PLEKHM3: variants seen among roughly 807,000 people sequenced by gnomAD.
PLEKHM3 encodes the protein pleckstrin homology domain containing M3, also known as pleckstrin homology domain-containing family M member 3.
In PLEKHM3, 45 loss-of-function variants were observed where a neutral mutation model predicts 81.8. The ratio of observed to expected loss-of-function variants is 0.55; its 90% CI spans 0.43 to 0.71. The LOEUF (loss-of-function observed/expected upper bound fraction) is 0.71, where lower values mean the gene tolerates loss of function less well. PLEKHM3 is among the 30% of genes least tolerant of loss of function. PLEKHM3 has a pLI of 0.00. For synonymous variants in PLEKHM3, 352 were observed against 356.4 expected (o/e 0.99, Z 0.14); for missense variants, 788 against 924.3 (o/e 0.85, Z 1.91).
intron 2 of PLEKHM3, among the ~76,000 whole-genome samples, chr2:207,985,987 CA>C (rs35964669): frequency 0.62 from 75,149 of 120,624 alleles, 21,613 homozygotes; most frequent in Non-Finnish European, 0.69. Context: ...GACTCCGTCT[CA>C]AAAAAAAAAA....
rs974376416 is a variant in PLEKHM3, at chr2:207,843,909, T to C, written c.2109-15413A>G. Among the ~76,000 whole-genome samples, 23 of 152,118 alleles carry C rather than the reference T, an allele frequency of 1.5e-4. No individual in the cohort carries two copies. Among genetic ancestry groups the C allele is most frequent in the African/African-American group, 5.3e-4 (22 of 41,500 alleles). On this transcript the variant is annotated intron_variant, in intron 7 of 7. Transcript: ENST00000427836. This position sits in a 1 kb window ranked among gnomAD's most constrained non-coding sequence, Gnocchi z 4.4. Reference sequence around the variant, plus strand: ...GCTGGAGACCAGTCTGAGCAACATATTGAGATCTTGTCTCCACAGATAAAT... The same window carrying C: ...GCTGGAGACCAGTCTGAGCAACATACTGAGATCTTGTCTCCACAGATAAAT...
chr2:207,889,337 A>T (rs1199727247), intron 6 of PLEKHM3, among the ~76,000 whole-genome samples: 6 of 152,008 alleles, frequency 3.9e-5, no homozygotes, highest in Admixed American at 2.6e-4. Context: ...AGTGAGGAGG[A>T]GAGGACCACT....
intron 5 of PLEKHM3, among the ~76,000 whole-genome samples, chr2:207,923,398 G>A (rs954957178): frequency 2.6e-4 from 39 of 152,020 alleles, no homozygotes; most frequent in African/African-American, 8.2e-4. Flanking sequence ...ACCTGAGGTC[G>A]GGAGTTCAAG....
intron 6 of PLEKHM3, among the ~76,000 whole-genome samples, chr2:207,864,914 ATTTAG>A (rs1286121073): frequency 4.6e-5 from 7 of 152,114 alleles, no homozygotes; most frequent in Non-Finnish European, 1.0e-4. Context: ...CACATTTATT[ATTTAG>A]TTTAAGGTTA....
Position 207,925,140 on chromosome 2 carries a change from G to T in PLEKHM3, c.1886+5786C>A, listed in dbSNP as rs75752780. ...GTAGTATGAACAGGGTTGTTTTTTT[G>T]TTTTTTGTTTTTTTTTTTTAGTGAG... On this transcript the variant is annotated intron_variant, in intron 5 of 7. Transcript: ENST00000427836. Among the ~76,000 whole-genome samples, 794 of 118,226 alleles carry T rather than the reference G, an allele frequency of 6.7e-3. 15 individuals carry two copies. Among genetic ancestry groups the T allele is most frequent in the Middle Eastern group, 0.017 (4 of 234 alleles). 77.6% of individuals were successfully genotyped at this position (118,226 alleles called of 152,430 possible).
chr2:207,967,679 G>A (rs923668327), intron 3 of PLEKHM3, among the ~76,000 whole-genome samples: 4 of 152,150 alleles, frequency 2.6e-5, no homozygotes, highest in African/African-American at 7.2e-5. Flanking sequence ...GGCAAGAACC[G>A]CAAATTACTT....
intron 5 of PLEKHM3, among the ~76,000 whole-genome samples, chr2:207,914,321 C>T (rs961986687): frequency 2.0e-5 from 3 of 151,946 alleles, no homozygotes; most frequent in African/African-American, 7.2e-5. Flanking sequence ...CATGAAGAAA[C>T]CCCATCTCTA....
chr2:207,960,767 G>C (rs1191066666), intron 3 of PLEKHM3, among the ~76,000 whole-genome samples: 1 of 152,088 alleles, frequency 6.6e-6, no homozygotes, highest in Admixed American at 6.6e-5. Flanking sequence ...AGCATTATCA[G>C]GAAACTTTTA....
intron 2 of PLEKHM3, among the ~76,000 whole-genome samples, chr2:207,993,130 T>C (rs559131907): frequency 6.6e-6 from 1 of 152,246 alleles, no homozygotes; most frequent in Admixed American, 6.5e-5. Flanking sequence ...AAAAAATTAA[T>C]AGGACAACCA....
intron 3 of PLEKHM3, among the ~76,000 whole-genome samples, chr2:207,956,706 T>G (rs1229508910): frequency 7.1e-6 from 1 of 141,028 alleles, no homozygotes; most frequent in African/African-American, 2.7e-5. Context: ...CCACCACACC[T>G]GGCTGATTAA....
intron 2 of PLEKHM3, among the ~76,000 whole-genome samples, chr2:208,000,130 T>C (rs1187054758): frequency 1.3e-5 from 2 of 152,214 alleles, no homozygotes; most frequent in Admixed American, 1.3e-4. Flanking sequence ...CATATGTGTA[T>C]AAAGTATGAG....
intron 7 of PLEKHM3, among the ~76,000 whole-genome samples, chr2:207,856,792 A>T (rs961501293): frequency 8.5e-5 from 13 of 152,256 alleles, no homozygotes; most frequent in Non-Finnish European, 1.0e-4. Flanking sequence ...TTTTGTGTGG[A>T]TATGTTATCA....
chr2:208,011,708 A>G (rs1052826009), intron 1 of PLEKHM3, among the ~76,000 whole-genome samples: 3 of 152,002 alleles, frequency 2.0e-5, no homozygotes, highest in African/African-American at 4.8e-5. Context: ...AGTCACCACT[A>G]AAGAACTTAG....
At chr2:208,015,415 C>T (rs1389369962) in intron 1 of PLEKHM3, among the ~76,000 whole-genome samples, 3 of 152,056 alleles carry the variant, frequency 2.0e-5, no homozygotes, top group Non-Finnish European at 4.4e-5. Flanking sequence ...TCCCATGACC[C>T]AGAGAGTTAA....
chr2:207,905,525 T>C (rs1275334234), intron 6 of PLEKHM3, among the ~76,000 whole-genome samples: 2 of 152,214 alleles, frequency 1.3e-5, no homozygotes, highest in African/African-American at 4.8e-5. Context: ...AATTCAGATC[T>C]AGAAAACATG....
intron 5 of PLEKHM3, among the ~76,000 whole-genome samples, chr2:207,910,087 A>G (rs1335108520): frequency 6.6e-6 from 1 of 152,236 alleles, no homozygotes; most frequent in African/African-American, 2.4e-5. Context: ...TTTCACCCAC[A>G]GGAATGAGAT....
At chr2:207,945,063 A>G (rs1257414560) in intron 4 of PLEKHM3, among the ~76,000 whole-genome samples, 2 of 152,156 alleles carry the variant, frequency 1.3e-5, no homozygotes, top group Non-Finnish European at 2.9e-5. Flanking sequence ...ACTCCATTCA[A>G]ACTGCTTTCA....
chr2:207,958,174 A>C (rs1042967737), intron 3 of PLEKHM3, among the ~76,000 whole-genome samples: 9 of 152,222 alleles, frequency 5.9e-5, no homozygotes, highest in Non-Finnish European at 8.8e-5. Context: ...CCCTTTCACC[A>C]GTTCTACTTT....
At chr2:207,943,634 C>T (rs1019773821) in intron 4 of PLEKHM3, among the ~76,000 whole-genome samples, 7 of 151,970 alleles carry the variant, frequency 4.6e-5, no homozygotes, top group African/African-American at 1.4e-4. Flanking sequence ...TTTGGGAGGC[C>T]GAGGCGGGCG....
Sources: allele counts gnomAD v4.1 joint callset (sites outside exome capture counted in the v4.1 genomes callset), GRCh38; gene constraint gnomAD v4.1.1; non-coding constraint Gnocchi (gnomAD v3.1); transcripts MANE v1.5; gene names NCBI Gene and HGNC (gene_info 2026-07-23, HGNC 2026-07-21).